KIAA1671: variants seen among roughly 807,000 people sequenced by gnomAD.
KIAA1671 encodes the protein KIAA1671, also known as uncharacterized protein KIAA1671.
A neutral mutation model predicts 131.2 loss-of-function variants in KIAA1671; 52 were observed. The observed-to-expected ratio is 0.40, with a 90% CI of 0.32 to 0.50. The LOEUF (loss-of-function observed/expected upper bound fraction) is 0.50. KIAA1671 is among the 20% of genes least tolerant of loss of function. The pLI is 0.73. For synonymous variants in KIAA1671, 1,003 were observed against 961.6 expected, an observed-to-expected ratio of 1.04 and a Z score of -0.80; for missense variants, 2,360 against 2,364.2, an observed-to-expected ratio of 1.00 and a Z score of 0.04.
At chr22:25,118,996 G>A (rs1323312635) in intron 6 of KIAA1671, among the ~76,000 whole-genome samples, 8 of 152,096 alleles carry the variant, frequency 5.3e-5, no homozygotes, top group Non-Finnish European at 1.0e-4. Context: ...ATTTCTTCCT[G>A]GGACCTATCT....
chr22:25,020,554 G>T (rs1281777129), intron 1 of KIAA1671, among the ~76,000 whole-genome samples: 1 of 152,240 alleles, frequency 6.6e-6, no homozygotes, highest in South Asian at 2.1e-4. Flanking sequence ...TTCTTGCTAG[G>T]AGCTCACAGT....
At chr22:25,093,720 CACACACACACACACACA>C (rs1930144582) in intron 6 of KIAA1671, among the ~76,000 whole-genome samples, 4 of 127,440 alleles carry the variant, frequency 3.1e-5, no homozygotes, top group African/African-American at 8.2e-5. Context: ...CACACACACA[CACACACACACACACACA>C]CTCTCTCTCT....
intron 2 of KIAA1671, among the ~76,000 whole-genome samples, chr22:25,026,022 T>C (rs1925926043): frequency 1.3e-5 from 2 of 152,230 alleles, no homozygotes; most frequent in South Asian, 4.1e-4. Flanking sequence ...CTTAGAACTC[T>C]GGTTGGGATC....
rs1323768503 is a variant in KIAA1671 at position 25,055,789 on chromosome 22, GATAGATATAGATAGAT to G, written c.4530+6439_4530+6454del. ...ATACATACACACAAACATATATATA[GATAGATATAGATAGAT>G]ATAGATATAGATATAGATATAGATA... On this transcript the variant is annotated intron_variant, in intron 6 of 12. Transcript: ENST00000358431. 237 of 111,756 alleles carry G rather than the reference GATAGATATAGATAGAT, an allele frequency of 2.1e-3. 2 individuals carry two copies. The highest frequency in any genetic ancestry group is 6.9e-3 in the African/African-American group (190 of 27,472). 6.9% of individuals were successfully genotyped at this position (111,756 alleles called of 1,614,324 possible). A position where few individuals can be genotyped will look rare whatever the true frequency, so the allele number is the denominator to read the frequency against.
At chr22:25,049,189 A>C in intron 5 of KIAA1671, 41 bp from the exon 6 acceptor site, 1 of 1,530,574 alleles carries the variant, frequency 6.5e-7, no homozygotes, top group Non-Finnish European at 8.8e-7. Flanking sequence ...GTAAATGAGA[A>C]GGCTCCCAGT....
chr22:25,156,370 TATTTGTGTGTATGC>T (rs1266740987), intron 6 of KIAA1671, among the ~76,000 whole-genome samples: 1 of 152,070 alleles, frequency 6.6e-6, no homozygotes, highest in African/African-American at 2.4e-5. Flanking sequence ...TATATGTGTG[TATTTGTGTGTATGC>T]ATTTGTGTGT....
intron 5 of KIAA1671, among the ~76,000 whole-genome samples, chr22:25,045,055 G>A (rs912239935): frequency 9.1e-4 from 115 of 126,204 alleles, no homozygotes; most frequent in Non-Finnish European, 6.3e-4. Context: ...CAGCTACTCC[G>A]GAGGCTGAGG....
chr22:25,034,322 A>G (rs1926470262), intron 4 of KIAA1671, among the ~76,000 whole-genome samples: 1 of 152,004 alleles, frequency 6.6e-6, no homozygotes, highest in Admixed American at 6.6e-5. Context: ...CTGGGGTTAC[A>G]AGTGTGAGCC....
intron 1 of KIAA1671, among the ~76,000 whole-genome samples, chr22:24,995,995 T>G (rs1471335988): frequency 6.6e-6 from 1 of 152,228 alleles, no homozygotes. Context: ...GACCACAGTG[T>G]CCTCTGAACT....
chr22:25,185,847 CAA>C (rs36079269), intron 11 of KIAA1671: 49,435 of 151,962 alleles, frequency 0.33, 8,408 homozygotes, highest in East Asian at 0.47. Flanking sequence ...GAGGATGAAA[CAA>C]GAGTGTGTCT....
intron 1 of KIAA1671, among the ~76,000 whole-genome samples, chr22:24,967,886 G>A (rs539870283): frequency 1.6e-4 from 25 of 152,082 alleles, no homozygotes; most frequent in African/African-American, 1.7e-4. Flanking sequence ...CCAGCTACTC[G>A]GGAGGCTGAG....
Position 25,123,438 on chromosome 22 carries a change from C to G in KIAA1671, c.4531-47382C>G, listed in dbSNP as rs189212801. ...CGATTTCCTGACCTTGTGATCCACC[C>G]GCCTTGGCCTCCCAAAGTGCTGGGA... On this transcript the variant is annotated intron_variant, in intron 6 of 12. Transcript: ENST00000358431. 8.5e-5 allele frequency among the ~76,000 whole-genome samples: 13 copies of G among 152,202 alleles called. No individual in the cohort carries two copies. The East Asian group carries it at 2.3e-3, about 27-fold the overall frequency.
chr22:24,978,145 T>G (rs762794803), intron 1 of KIAA1671, among the ~76,000 whole-genome samples: 10 of 152,168 alleles, frequency 6.6e-5, no homozygotes, highest in Admixed American at 3.3e-4. Flanking sequence ...CACCCAGATC[T>G]CATCTTGAAT....
intron 6 of KIAA1671, among the ~76,000 whole-genome samples, chr22:25,093,780 C>CTCTG (rs1930211632): frequency 9.4e-6 from 1 of 105,964 alleles, no homozygotes; most frequent in Non-Finnish European, 2.0e-5. Context: ...CTCTCTCTCT[C>CTCTG]TCTCTCTCTC....
Position 25,093,762 on chromosome 22 carries a change from C to G in KIAA1671, c.4530+44398C>G, listed in dbSNP as rs1021849516. Reference sequence around the variant, plus strand: ...ACTCTCTCTCTCTCTCTCTCTCTCTCTCTCTGTCTCTCTCTCTCTCTCTCT... The same window carrying G: ...ACTCTCTCTCTCTCTCTCTCTCTCTGTCTCTGTCTCTCTCTCTCTCTCTCT... On this transcript the variant is annotated intron_variant, in intron 6 of 12. Transcript: ENST00000358431. Among the ~76,000 whole-genome samples the G allele has an allele frequency of 1.5e-4, 17 of 112,742 alleles. 2 individuals carry two copies. The highest frequency in any genetic ancestry group is 8.2e-3 in the Middle Eastern group (2 of 244). 74.0% of individuals were successfully genotyped at this position (112,742 alleles called of 152,430 possible).
intron 6 of KIAA1671, among the ~76,000 whole-genome samples, chr22:25,099,860 G>C (rs733117): frequency 0.37 from 55,847 of 151,946 alleles, 10,567 homozygotes; most frequent in Middle Eastern, 0.44. Context: ...GGATTCCAAT[G>C]GGGCAGTCCC....
At chr22:25,103,204 C>G (rs111575742) in intron 6 of KIAA1671, among the ~76,000 whole-genome samples, 6 of 138,950 alleles carry the variant, frequency 4.3e-5, no homozygotes, top group South Asian at 2.3e-4. Flanking sequence ...AAGTCCCCCC[C>G]CAACCGCCTT....
chr22:24,963,107 A>C (rs2123800671), intron 1 of KIAA1671, among the ~76,000 whole-genome samples: 1 of 152,110 alleles, frequency 6.6e-6, no homozygotes, highest in East Asian at 1.9e-4. Flanking sequence ...TCTCCATAAA[A>C]ATGTGTCATG....
chr22:24,976,660 G>A (rs1256959204), intron 1 of KIAA1671, among the ~76,000 whole-genome samples: 2 of 152,214 alleles, frequency 1.3e-5, no homozygotes, highest in African/African-American at 2.4e-5. Flanking sequence ...CCCTGTGGGT[G>A]GAGGAACAGG....
Sources: gnomAD v4.1 joint callset for allele counts (sites outside exome capture counted in the v4.1 genomes callset) on GRCh38, gnomAD v4.1.1 for gene constraint, MANE v1.5 for transcripts, NCBI Gene and HGNC (gene_info 2026-07-23, HGNC 2026-07-21) for gene names.